Variants in DOCK1 observed in about 807,000 individuals in gnomAD.
DOCK1 encodes dedicator of cytokinesis 1, also known as dedicator of cytokinesis protein 1.
DOCK1 carries 138 observed loss-of-function variants against 262.7 expected under a neutral mutation model. The ratio of observed to expected loss-of-function variants is 0.53; its 90% CI spans 0.46 to 0.61. DOCK1 has a LOEUF of 0.61. Among genes scored for constraint, DOCK1 ranks in the 20% least tolerant of loss-of-function variants. DOCK1 has a pLI of 0.00. For synonymous variants in DOCK1, 866 were observed against 867.4 expected, an observed-to-expected ratio of 1.00 and a Z score of 0.03; for missense variants, 1,908 against 2,370.7, an observed-to-expected ratio of 0.80 and a Z score of 4.05.
At chr10:127,089,273 G>A (rs527605154) in intron 23 of DOCK1, among the ~76,000 whole-genome samples, 2 of 152,092 alleles carry the variant, frequency 1.3e-5, no homozygotes, top group South Asian at 4.2e-4. Context: ...CTCTCCTGTG[G>A]ACTTTGCTTC....
Position 127,175,126 on chromosome 10 carries a change from C to T in DOCK1, c.2847+47362C>T. ...TTTACGGAAATGCTGGCTTTAGTCT[C>T]ATTACAGACTTGGGTTTGGGGCTAC... On this transcript the variant is annotated intron_variant, in intron 27 of 51. Coordinates refer to ENST00000623213, the MANE Select transcript of DOCK1 (RefSeq NM_001290223.2). The surrounding 1 kb of genome is among the most constrained non-coding windows in gnomAD (Gnocchi z 6.3). 8.5e-7 allele frequency: 1 copy of T among 1,175,204 alleles called. No homozygotes were observed. Among genetic ancestry groups the T allele is most frequent in the Non-Finnish European group, 1.2e-6 (1 of 813,936 alleles). 72.8% of individuals were successfully genotyped at this position (1,175,204 alleles called of 1,614,324 possible). A position where few individuals can be genotyped will look rare whatever the true frequency, so the allele number is the denominator to read the frequency against.
intron 27 of DOCK1, among the ~76,000 whole-genome samples, chr10:127,241,226 G>A (rs553018338): frequency 6.6e-6 from 1 of 152,298 alleles, no homozygotes; most frequent in Admixed American, 6.5e-5. Flanking sequence ...GGCTGAGGCA[G>A]GAGAATCACT....
intron 27 of DOCK1, among the ~76,000 whole-genome samples, chr10:127,138,889 C>A (rs2050954943): frequency 6.6e-6 from 1 of 152,214 alleles, no homozygotes; most frequent in Non-Finnish European, 1.5e-5. Flanking sequence ...TTGAAAAGGA[C>A]CACATTTGAT....
At chr10:126,987,844 C>T (rs567697639) in intron 5 of DOCK1, among the ~76,000 whole-genome samples, 1 of 152,064 alleles carries the variant, frequency 6.6e-6, no homozygotes, top group Non-Finnish European at 1.5e-5. Context: ...TTACAGTGAG[C>T]TGTAGCAGAA....
chr10:127,414,630 T>C (rs2068052001), intron 43 of DOCK1, among the ~76,000 whole-genome samples: 1 of 152,218 alleles, frequency 6.6e-6, no homozygotes, highest in Non-Finnish European at 1.5e-5. Flanking sequence ...TTTCCATATC[T>C]TTATGTTCTC....
chr10:127,240,701 A>T (rs896970800), intron 27 of DOCK1, among the ~76,000 whole-genome samples: 2 of 152,028 alleles, frequency 1.3e-5, no homozygotes, highest in Middle Eastern at 3.2e-3. Context: ...TTTCTTTCTT[A>T]TACTCCCCGC....
At chr10:127,013,043 C>G (rs1294529523) in intron 12 of DOCK1, among the ~76,000 whole-genome samples, 2 of 152,196 alleles carry the variant, frequency 1.3e-5, no homozygotes, top group Non-Finnish European at 2.9e-5. Context: ...GGTGAACAGA[C>G]CTGCTTCATC....
chr10:127,156,885 A>G (rs1015488830), intron 27 of DOCK1, among the ~76,000 whole-genome samples: 15 of 152,298 alleles, frequency 9.8e-5, no homozygotes, highest in African/African-American at 3.6e-4. Flanking sequence ...TTGCTCTTCT[A>G]AAGCCCTTCC....
intron 35 of DOCK1, among the ~76,000 whole-genome samples, chr10:127,377,989 G>T (rs1448448093): frequency 2.0e-5 from 3 of 152,080 alleles, no homozygotes; most frequent in African/African-American, 7.2e-5. Context: ...CTCCTGCAAG[G>T]ATGTCTGCAT....
chr10:127,447,973 C>T (rs538569356), intron 51 of DOCK1, among the ~76,000 whole-genome samples: 2 of 152,328 alleles, frequency 1.3e-5, no homozygotes, highest in Non-Finnish European at 2.9e-5. Flanking sequence ...ACCTGTTGTA[C>T]ACCTGCTTGG....
intron 24 of DOCK1, among the ~76,000 whole-genome samples, chr10:127,108,886 A>C (rs2136237142): frequency 6.6e-6 from 1 of 152,344 alleles, no homozygotes. Context: ...TGTCCATGAT[A>C]ATTCAGCTGG....
intron 38 of DOCK1, among the ~76,000 whole-genome samples, chr10:127,390,920 T>C (rs2066437528): frequency 6.6e-6 from 1 of 152,236 alleles, no homozygotes; most frequent in African/African-American, 2.4e-5. Context: ...GTGGTTCCTG[T>C]TGGACGGTGC....
At chr10:126,976,146 G>A (rs2038523956) in intron 2 of DOCK1, among the ~76,000 whole-genome samples, 1 of 152,132 alleles carries the variant, frequency 6.6e-6, no homozygotes, top group Non-Finnish European at 1.5e-5. Flanking sequence ...TGAGCACTGT[G>A]TCATAGATGG....
chr10:126,976,943 C>T (rs1295863811), intron 2 of DOCK1, among the ~76,000 whole-genome samples: 2 of 152,172 alleles, frequency 1.3e-5, no homozygotes, highest in Non-Finnish European at 2.9e-5. Flanking sequence ...CCATGTTGGC[C>T]AGGCTGGTCT....
At chr10:127,122,362 G>T (rs376700800) in intron 25 of DOCK1, among the ~76,000 whole-genome samples, 1 of 152,258 alleles carries the variant, frequency 6.6e-6, no homozygotes, top group African/African-American at 2.4e-5. Context: ...AAAGAGCCTC[G>T]TTGCCAGCCT....
chr10:127,014,992 G>A (rs917601193), intron 12 of DOCK1: 1 of 152,080 alleles, frequency 6.6e-6, no homozygotes, highest in Non-Finnish European at 1.5e-5. Context: ...GTAGAGGCAG[G>A]GTTTAGCTCC....
intron 29 of DOCK1, among the ~76,000 whole-genome samples, chr10:127,323,015 G>A (rs1268017685): frequency 6.6e-6 from 1 of 152,158 alleles, no homozygotes. Flanking sequence ...GCTTCCCCTT[G>A]TGCTCCCCAG....
At chr10:127,270,585 G>A (rs1300265853) in intron 29 of DOCK1, among the ~76,000 whole-genome samples, 2 of 149,906 alleles carry the variant, frequency 1.3e-5, no homozygotes, top group Non-Finnish European at 3.0e-5. Context: ...GTCCTTGCCT[G>A]TGTGTGGCGT....
chr10:127,077,599 G>A (rs1454872321), intron 23 of DOCK1, among the ~76,000 whole-genome samples: 3 of 152,228 alleles, frequency 2.0e-5, no homozygotes, highest in South Asian at 2.1e-4. Flanking sequence ...CATATTAAGT[G>A]CTTATTTGGT....
Sources: gnomAD v4.1 joint callset for allele counts (sites outside exome capture counted in the v4.1 genomes callset) on GRCh38, gnomAD v4.1.1 for gene constraint, Gnocchi (gnomAD v3.1) non-coding constraint, MANE v1.5 for transcripts, NCBI Gene and HGNC (gene_info 2026-07-23, HGNC 2026-07-21) for gene names.